SLC3A2: variants seen among roughly 807,000 people sequenced by gnomAD.
SLC3A2 encodes the protein solute carrier family 3 member 2, also known as amino acid transporter heavy chain SLC3A2.
A neutral mutation model predicts 48.5 loss-of-function variants in SLC3A2; 32 were observed. The ratio of observed to expected loss-of-function variants is 0.66; its 90% CI spans 0.50 to 0.89. The LOEUF is 0.89. SLC3A2 is among the 40% of genes least tolerant of loss of function. The pLI, the probability that SLC3A2 is intolerant of heterozygous loss-of-function variation, is 0.00. For synonymous variants in SLC3A2, 277 were observed against 288.8 expected (o/e 0.96, Z 0.41); for missense variants, 587 against 680.7 (o/e 0.86, Z 1.53).
At chr11:62,876,724 C>A (rs985865554), upstream of SLC3A2, 1 of 203,442 alleles carries the variant, frequency 4.9e-6, no homozygotes, top group African/African-American at 2.4e-5. Flanking sequence ...GCCACAGCCT[C>A]CTGAGTAGCT....
intron 5 of SLC3A2, among the ~76,000 whole-genome samples, 174 bp downstream of exon 5, chr11:62,884,864 T>C (rs1441623242): frequency 4.2e-5 from 5 of 119,950 alleles, no homozygotes; most frequent in Non-Finnish European, 6.6e-5. Context: ...GGAGTTCCGC[T>C]CTTTTTGCCC....
At chr11:62,880,560 A>G (rs1443597086), upstream of SLC3A2, 1 of 155,842 alleles carries the variant, frequency 6.4e-6, no homozygotes, top group Admixed American at 6.4e-5. Context: ...TGGGGTAGTC[A>G]CTAGCCTGCC....
intron 7 of SLC3A2, 56 bp from the exon 8 acceptor site, chr11:62,888,079 G>T: frequency 1.3e-5 from 20 of 1,487,078 alleles, no homozygotes; most frequent in Non-Finnish European, 1.7e-5. Flanking sequence ...TTACAGATGT[G>T]AGCCACCATG....
chr11:62,886,747 C>T (rs1235261293), intron 7 of SLC3A2, among the ~76,000 whole-genome samples: 1 of 151,906 alleles, frequency 6.6e-6, no homozygotes, highest in African/African-American at 2.4e-5. Context: ...TCTGGGAATA[C>T]AGGCACACAC....
Position 62,882,979 on chromosome 11 carries a change from A to G in SLC3A2, c.670A>G (p.Thr224Ala). 1 of 1,614,154 alleles carries G rather than the reference A, an allele frequency of 6.2e-7. No homozygotes were observed. Among genetic ancestry groups the G allele is most frequent in the Non-Finnish European group, 8.5e-7 (1 of 1,180,012 alleles). Residue 224 changes from threonine to alanine, a missense_variant, in exon 3 of 9, where the codon ACT (threonine) becomes GCT (alanine). Thr to Ala is a moderately conservative substitution (Grantham distance 58). This residue lies in a region of SLC3A2 where 409 missense variants were observed against 446.7 expected (regional missense o/e 0.92). Coordinates refer to ENST00000338663, the MANE Select transcript of SLC3A2 (RefSeq NM_001013251.3). ...CTCGTGGTTCTCCACTCAGGTTGAC[A>G]CTGTGGCCACCAAGGTGAAGGTGAG... Reference protein sequence around the residue: ...ENSWFSTQVDTVATKVKDALE... With the variant: ...ENSWFSTQVDAVATKVKDALE...
rs1473890150 is a variant in SLC3A2 at position 62,888,662 on chromosome 11, G to C, written c.1559G>C (p.Gly520Ala). The change falls in exon 9 of 9, where the codon GGG (glycine) becomes GCG (alanine). Residue 520 changes from glycine to alanine, a missense_variant. Around this residue, in one of 3 missense-constraint regions of SLC3A2, gnomAD observed 169 missense variants for 204.4 expected, o/e 0.83. Coordinates refer to ENST00000338663, the MANE Select transcript of SLC3A2 (RefSeq NM_001013251.3). ...CGCCTGAAACTGGAGCCTCACGAAGGGCTGCTGCTCCGCTTCCCCTACGCG... is the reference window on the plus strand; with the variant it reads ...CGCCTGAAACTGGAGCCTCACGAAGCGCTGCTGCTCCGCTTCCCCTACGCG... ...LERLKLEPHE[G>A]LLLRFPYAA 2 of 1,602,056 alleles carry C rather than the reference G, an allele frequency of 1.2e-6. No individual in the cohort carries two copies. The highest frequency in any genetic ancestry group is 1.7e-6 in the Non-Finnish European group (2 of 1,179,026).
intron 3 of SLC3A2, chr11:62,883,249 T>A: frequency 2.2e-6 from 1 of 457,384 alleles, no homozygotes; most frequent in Non-Finnish European, 4.0e-6. Context: ...GAAGGGACCT[T>A]CTCAGAAGTC....
chr11:62,867,948 TCTCA>T (rs1316777753), intron 1 of SLC3A2, among the ~76,000 whole-genome samples: 2 of 151,580 alleles, frequency 1.3e-5, no homozygotes, highest in South Asian at 2.1e-4. Context: ...TTTGAGACAG[TCTCA>T]CTCTTGTCGC....
chr11:62,884,770 T>G, intron 5 of SLC3A2, 80 bp downstream of exon 5: 3 of 1,054,208 alleles, frequency 2.8e-6, no homozygotes, highest in Non-Finnish European at 4.0e-6. Flanking sequence ...GAAGGGGGGA[T>G]TCCTAGTCTA....
intron 1 of SLC3A2, among the ~76,000 whole-genome samples, chr11:62,862,333 CAAA>C (rs71065311): frequency 1.8e-5 from 1 of 55,910 alleles, no homozygotes; most frequent in East Asian, 6.8e-4. Context: ...GACTCTGTCT[CAAA>C]AAAAAAAAAA....
chr11:62,884,734 A>ACC (rs756160397), intron 5 of SLC3A2, 44 bp downstream of exon 5: 16 of 1,513,078 alleles, frequency 1.1e-5, no homozygotes, highest in Non-Finnish European at 1.4e-5. Flanking sequence ...CAATGTGGGA[A>ACC]CCCCTCAGTG....
chr11:62,864,445 C>T (rs1303328980), intron 1 of SLC3A2, among the ~76,000 whole-genome samples: 6 of 151,974 alleles, frequency 3.9e-5, no homozygotes, highest in Admixed American at 1.3e-4. Context: ...CGCACCAGCA[C>T]GCCTGGCTAA....
intron 1 of SLC3A2, among the ~76,000 whole-genome samples, chr11:62,857,661 A>G (rs905835113): frequency 7.6e-6 from 1 of 131,990 alleles, no homozygotes; most frequent in Non-Finnish European, 1.5e-5. Context: ...ACTGCACTGC[A>G]CTCCAGCCTG....
intron 1 of SLC3A2, among the ~76,000 whole-genome samples, chr11:62,860,850 C>G (rs1389401482): frequency 1.3e-5 from 2 of 152,224 alleles, no homozygotes; most frequent in African/African-American, 4.8e-5. Flanking sequence ...ACCAAGCATA[C>G]TGCCTGCAAA....
intron 1 of SLC3A2, among the ~76,000 whole-genome samples, chr11:62,857,913 GA>G (rs1182941933): frequency 1.3e-5 from 2 of 151,978 alleles, no homozygotes; most frequent in East Asian, 3.9e-4. Context: ...GAAAAAGAAG[GA>G]AGTGTGTAGC....
At position 62,864,046 on chromosome 11, in the gene SLC3A2, G is replaced by A. The variant is rs532575772; in HGVS notation, c.112+7665G>A. On this transcript the variant is annotated intron_variant, in intron 1 of 9. Coordinates refer to the SLC3A2 transcript ENST00000377889. ...TTGAGTCAAAGTTGGCAGCTTAGCCGGTATGTGGGCTGGAGATATATTTCT... is the reference window on the plus strand; with the variant it reads ...TTGAGTCAAAGTTGGCAGCTTAGCCAGTATGTGGGCTGGAGATATATTTCT... Among the ~76,000 whole-genome samples, 8 of 152,254 alleles carry A rather than the reference G, an allele frequency of 5.3e-5. No homozygotes were observed. In the South Asian group the frequency reaches 8.3e-4, roughly 16 times the overall value.
chr11:62,879,620 G>A (rs188645489), upstream of SLC3A2, among the ~76,000 whole-genome samples: 426 of 152,352 alleles, frequency 2.8e-3, 1 homozygote, highest in African/African-American at 8.7e-3. Context: ...CTAGCAGAGG[G>A]TGACCCTTTT....
intron 1 of SLC3A2, among the ~76,000 whole-genome samples, chr11:62,873,488 C>CAAAAA (rs776857451): frequency 3.1e-4 from 40 of 128,698 alleles, no homozygotes; most frequent in Admixed American, 1.9e-3. Context: ...AACTCTGTCT[C>CAAAAA]AAAAAAAAAA....
At chr11:62,883,354 G>A in intron 3 of SLC3A2, 1 of 263,904 alleles carries the variant, frequency 3.8e-6, no homozygotes, top group South Asian at 5.2e-5. Context: ...TGTTTGATGT[G>A]TTTGGAATAG....
Sources: allele counts gnomAD v4.1 joint callset (sites outside exome capture counted in the v4.1 genomes callset), GRCh38; gene constraint gnomAD v4.1.1; regional missense constraint gnomAD v4.1.1; transcripts MANE v1.5; gene names NCBI Gene and HGNC (gene_info 2026-07-23, HGNC 2026-07-21).